Variants in CALR3 observed in about 807,000 individuals in gnomAD.
The protein encoded by CALR3 is calreticulin-3.
CALR3 carries 39 observed loss-of-function variants against 48.7 expected under a neutral mutation model. That is an observed-to-expected ratio of 0.80 (90% CI 0.62 to 1.05). The LOEUF (loss-of-function observed/expected upper bound fraction) is 1.05, where lower values mean the gene tolerates loss of function less well. Ranked by LOEUF, CALR3 falls within the 50% of genes least tolerant of loss-of-function variation. The pLI is 0.00. For synonymous variants in CALR3, 185 were observed against 172.7 expected (o/e 1.07, Z -0.56); for missense variants, 449 against 474.7 (o/e 0.95, Z 0.50).
chr19:16,495,227 C>CA lies in CALR3; in HGVS notation c.193+523dup, dbSNP rs548752979. Among the ~76,000 whole-genome samples the CA allele has an allele frequency of 5.1e-3, 628 of 122,850 alleles. 1 individual carries two copies. Among genetic ancestry groups the CA allele is most frequent in the African/African-American group, 0.016 (485 of 30,668 alleles). The allele number at this position is 122,850 out of a possible 152,430, so 80.6% of individuals were successfully genotyped here. On this transcript the variant is annotated intron_variant, in intron 2 of 8. Transcript: ENST00000269881. ...GGCGACAGAGCGAGACTCCTACTAC[C>CA]AAAAAAAAAAAAAAAAAAAAAAAGG...
At chr19:16,487,481 C>CAAAA (rs59647657) in intron 3 of CALR3, among the ~76,000 whole-genome samples, 8 of 102,676 alleles carry the variant, frequency 7.8e-5, no homozygotes, top group East Asian at 3.1e-4. Context: ...TGTGTCTCCA[C>CAAAA]AAAAAAAAAA....
Position 16,485,186 on chromosome 19 carries a change from T to G in CALR3, c.469A>C (p.Asn157His). 6.2e-7 allele frequency: 1 copy of G among 1,607,720 alleles called. No individual in the cohort carries two copies. The highest frequency in any genetic ancestry group is 8.5e-7 in the Non-Finnish European group (1 of 1,174,262). Reference sequence around the variant, plus strand: ...ACCTTACACCTGATCAGTTTCTTGTTTTCGTGATACTTATTCTTGAAATGT... The same window carrying G: ...ACCTTACACCTGATCAGTTTCTTGTGTTCGTGATACTTATTCTTGAAATGT... ...ILHFKNKYHE[N>H]KKLIRCKVDG... Residue 157 changes from asparagine to histidine, a missense_variant, in exon 4 of 9, where the codon AAC becomes CAC. Asn to His is a moderately conservative substitution (Grantham distance 68). Transcript: ENST00000269881.
At chr19:16,487,492 A>C (rs894198289) in intron 3 of CALR3, among the ~76,000 whole-genome samples, 4 of 151,492 alleles carry the variant, frequency 2.6e-5, no homozygotes, top group African/African-American at 4.8e-5. Context: ...AAAAAAAAAA[A>C]AAAAAACATT....
chr19:16,490,614 G>A (rs777467985), intron 2 of CALR3, 44 bp from the exon 3 acceptor site: 75 of 1,523,890 alleles, frequency 4.9e-5, no homozygotes, highest in Non-Finnish European at 6.6e-5. Context: ...ATGACGCTGC[G>A]CTAAGTAACG....
intron 8 of CALR3, 57 bp downstream of exon 8, chr19:16,480,557 A>T: frequency 7.4e-7 from 1 of 1,356,460 alleles, no homozygotes; most frequent in South Asian, 1.2e-5. Context: ...ATCTAAAAAA[A>T]AAAAATTTAC....
rs1384915129 is a variant in CALR3 at position 16,479,236 on chromosome 19, C to T, written c.1050G>A (p.Glu350=). The part of the protein sequence containing the change: ...EREMDAIQAK[E]EMKKAREEEE... ...CTTCCTCGCGGGCCTTCTTCATTTC[C>T]TCCTTGGCCTGTATGGCATCCATCT... The change falls in exon 9 of 9, where the codon GAG becomes GAA. Residue 350 remains glutamate (E), a synonymous_variant. Transcript: ENST00000269881. The T allele has an allele frequency of 3.1e-6, 5 of 1,614,064 alleles. No individual in the cohort carries two copies. The highest frequency in any genetic ancestry group is 3.3e-5 in the Admixed American group (2 of 59,972).
intron 3 of CALR3, among the ~76,000 whole-genome samples, chr19:16,486,738 A>G (rs1403640081): frequency 6.6e-6 from 1 of 152,008 alleles, no homozygotes; most frequent in Non-Finnish European, 1.5e-5. Flanking sequence ...ATAGGAATTC[A>G]TGCAAATGTC....
intron 3 of CALR3, among the ~76,000 whole-genome samples, chr19:16,485,714 T>A (rs970289241): frequency 2.0e-5 from 3 of 152,018 alleles, no homozygotes; most frequent in Non-Finnish European, 4.4e-5. Flanking sequence ...AGTGCAGTGG[T>A]GGGATCTTGG....
At chr19:16,488,555 C>T (rs1364323077) in intron 3 of CALR3, among the ~76,000 whole-genome samples, 1 of 150,826 alleles carries the variant, frequency 6.6e-6, no homozygotes, top group Non-Finnish European at 1.5e-5. Context: ...CAGGCATGTG[C>T]CACTATGCCC....
chr19:16,484,229 G>A, intron 4 of CALR3, 114 bp from the exon 5 acceptor site: 2 of 1,013,476 alleles, frequency 2.0e-6, no homozygotes, highest in Non-Finnish European at 2.9e-6. Flanking sequence ...CCAGGTTGGA[G>A]CGCTGTGGCA....
intron 2 of CALR3, among the ~76,000 whole-genome samples, chr19:16,492,745 G>A (rs1277689707): frequency 2.0e-5 from 3 of 151,556 alleles, no homozygotes; most frequent in Non-Finnish European, 2.9e-5. Context: ...GGTGGCAGGC[G>A]CCTGTAGTTC....
At chr19:16,483,535 T>C (rs1407145187) in intron 5 of CALR3, among the ~76,000 whole-genome samples, 4 of 151,950 alleles carry the variant, frequency 2.6e-5, no homozygotes, top group African/African-American at 9.7e-5. Flanking sequence ...CTGGCCAACA[T>C]GGTGAAACCC....
rs753739592 is a variant in CALR3, at chr19:16,480,638, G to T, written c.987C>A (p.Gly329=). The T allele has an allele frequency of 8.1e-6, 13 of 1,613,410 alleles. No individual in the cohort carries two copies. Among genetic ancestry groups the T allele is most frequent in the African/African-American group, 1.3e-5 (1 of 75,036 alleles). The change falls in exon 8 of 9, where the codon GGC becomes GGA. Residue 329 remains glycine, a synonymous_variant. Transcript: ENST00000269881. ...CCTTGGTTTCGCCCCAGGTGGCCTTGCCAAAATTATCTGCGTACTCTTCAT... is the reference window on the plus strand; with the variant it reads ...CCTTGGTTTCGCCCCAGGTGGCCTTTCCAAAATTATCTGCGTACTCTTCAT... ...TDDEEYADNF[G]KATWGETKGP...
At chr19:16,488,770 A>G (rs111547104) in intron 3 of CALR3, among the ~76,000 whole-genome samples, 7 of 152,314 alleles carry the variant, frequency 4.6e-5, no homozygotes, top group African/African-American at 1.7e-4. Flanking sequence ...CCTGTGGCCC[A>G]GTGTGGTCCC....
intron 3 of CALR3, among the ~76,000 whole-genome samples, chr19:16,487,154 C>T (rs888284175): frequency 4.6e-5 from 7 of 151,716 alleles, no homozygotes; most frequent in African/African-American, 9.7e-5. Context: ...CACAGGGGTG[C>T]GCCACCTCAC....
At chr19:16,489,905 C>T (rs188566077) in intron 3 of CALR3, among the ~76,000 whole-genome samples, 3 of 152,202 alleles carry the variant, frequency 2.0e-5, no homozygotes, top group African/African-American at 4.8e-5. Context: ...ATCAAAAAAT[C>T]GCAAATCTGA....
chr19:16,483,699 G>C lies in CALR3; in HGVS notation c.678+231C>G, dbSNP rs2093384417. 8.1e-6 allele frequency: 4 copies of C among 494,766 alleles called. No homozygotes were observed. In the South Asian group the frequency reaches 9.0e-5, roughly 11 times the overall value. 30.6% of individuals were successfully genotyped at this position (494,766 alleles called of 1,614,324 possible). A position where few individuals can be genotyped will look rare whatever the true frequency, so the allele number is the denominator to read the frequency against. ...CGCCACTGCACTCCAGCCTGGGCAA[G>C]AAGAACGAAACTCTGTCTCAAAAAA... is the stretch of plus-strand genomic sequence containing the variant. On this transcript the variant is annotated intron_variant, in intron 5 of 8. Coordinates refer to ENST00000269881, the MANE Select transcript of CALR3 (RefSeq NM_145046.5).
intron 3 of CALR3, among the ~76,000 whole-genome samples, chr19:16,488,359 C>T (rs528956815): frequency 1.3e-5 from 2 of 152,302 alleles, no homozygotes; most frequent in Non-Finnish European, 2.9e-5. Context: ...GCTGGGATTA[C>T]AGGCATAAGC....
At chr19:16,490,954 T>G (rs1312159184) in intron 2 of CALR3, among the ~76,000 whole-genome samples, 1 of 151,792 alleles carries the variant, frequency 6.6e-6, no homozygotes. Context: ...AGAGATAGGG[T>G]TTCTCCATGT....
Sources: gnomAD v4.1 joint callset for allele counts (sites outside exome capture counted in the v4.1 genomes callset) on GRCh38, gnomAD v4.1.1 for gene constraint, MANE v1.5 for transcripts, NCBI Gene and HGNC (gene_info 2026-07-23, HGNC 2026-07-21) for gene names.